The following SCEL variants were observed in gnomAD, a reference collection of about 807,000 sequenced individuals.
SCEL encodes the protein sciellin.
In SCEL, 113 loss-of-function variants were observed where a neutral mutation model predicts 117.6. That is an observed-to-expected ratio of 0.96 (90% CI 0.83 to 1.12). The LOEUF (loss-of-function observed/expected upper bound fraction) is 1.12, where lower values mean the gene tolerates loss of function less well. Ranked by LOEUF, SCEL falls within the 50% of genes most tolerant of loss-of-function variation. The probability of loss-of-function intolerance (pLI) is 0.00; values close to 1 mark genes in which losing one functional copy is unlikely to be tolerated. For synonymous variants in SCEL, 270 were observed against 256.2 expected (o/e 1.05, Z -0.51); for missense variants, 785 against 810.8 (o/e 0.97, Z 0.39).
At chr13:77,602,923 T>G (rs1425551152) in intron 17 of SCEL, 153 bp from the exon 18 acceptor site, 2 of 627,126 alleles carry the variant, frequency 3.2e-6, no homozygotes, top group Non-Finnish European at 5.3e-6. Context: ...TTAAACTATG[T>G]TATTGATTGG....
chr13:77,636,363 A>C (rs2090278306), intron 29 of SCEL, among the ~76,000 whole-genome samples: 1 of 152,214 alleles, frequency 6.6e-6, no homozygotes, highest in Non-Finnish European at 1.5e-5. Context: ...TTCTGACAGC[A>C]GTCTGCCTCC....
chr13:77,539,496 G>T (rs1358258282), intron 1 of SCEL, among the ~76,000 whole-genome samples: 1 of 151,800 alleles, frequency 6.6e-6, no homozygotes, highest in Non-Finnish European at 1.5e-5. Flanking sequence ...TGCAATTTTA[G>T]TCAAAAGTTC....
chr13:77,538,317 A>C (rs1191817720), intron 1 of SCEL, among the ~76,000 whole-genome samples: 2 of 152,022 alleles, frequency 1.3e-5, no homozygotes, highest in African/African-American at 2.4e-5. Flanking sequence ...GGGTTTCACC[A>C]TGTTGGCCAG....
chr13:77,538,899 A>T (rs987003119), intron 1 of SCEL, among the ~76,000 whole-genome samples: 1 of 152,190 alleles, frequency 6.6e-6, no homozygotes. Flanking sequence ...ATCCCAGGAG[A>T]CTGTGTCAAT....
rs544229058 is a variant in SCEL at position 77,537,016 on chromosome 13, C to T, written c.-20+1192C>T. Among the ~76,000 whole-genome samples the T allele has an allele frequency of 6.6e-5, 10 of 152,248 alleles. No homozygotes were observed. In the East Asian group the frequency reaches 1.3e-3, roughly 21 times the overall value. ...TGTCTTTCACTTCCATAGTTTATAACGTAGATAAAGCCTTCCTAATATATG... is the reference window on the plus strand; with the variant it reads ...TGTCTTTCACTTCCATAGTTTATAATGTAGATAAAGCCTTCCTAATATATG... On this transcript the variant is annotated intron_variant, in intron 1 of 32. Transcript: ENST00000349847.
At chr13:77,592,948 A>G (rs1329256245) in intron 11 of SCEL, among the ~76,000 whole-genome samples, 3 of 152,132 alleles carry the variant, frequency 2.0e-5, no homozygotes, top group East Asian at 3.8e-4. Flanking sequence ...TTTGGAATAC[A>G]TGAGCCCTCT....
At chr13:77,617,121 C>A (rs1304631944) in intron 24 of SCEL, among the ~76,000 whole-genome samples, 5 of 152,048 alleles carry the variant, frequency 3.3e-5, no homozygotes, top group Admixed American at 3.3e-4. Context: ...GAGTTTAATT[C>A]AGTTTTTCAG....
intron 28 of SCEL, among the ~76,000 whole-genome samples, chr13:77,633,369 G>GA (rs1196819765): frequency 7.0e-6 from 1 of 143,678 alleles, no homozygotes; most frequent in Non-Finnish European, 1.5e-5. Flanking sequence ...CCGGGAAGCG[G>GA]AGCTTGCAGT....
chr13:77,631,418 C>A (rs1477659427), intron 28 of SCEL, among the ~76,000 whole-genome samples: 1 of 152,130 alleles, frequency 6.6e-6, no homozygotes, highest in Admixed American at 6.5e-5. Flanking sequence ...GATATGATAT[C>A]CTGGATTGGA....
chr13:77,642,674 T>A lies in SCEL; in HGVS notation c.1948-32T>A, dbSNP rs199608943. The stretch of plus-strand genomic sequence containing the variant: ...CTAATAATCTAGATTTCATTTACAA[T>A]GGAAACTTTATATATGTATTTTTTT... On this transcript the variant is annotated intron_variant, in intron 31 of 32. Transcript: ENST00000349847. 6.6e-4 allele frequency: 853 copies of A among 1,284,380 alleles called. 4 individuals carry two copies. Among genetic ancestry groups the A allele is most frequent in the Middle Eastern group, 1.2e-3 (6 of 4,816 alleles). 79.6% of individuals were successfully genotyped at this position (1,284,380 alleles called of 1,614,324 possible). A position where few individuals can be genotyped will look rare whatever the true frequency, so the allele number is the denominator to read the frequency against.
chr13:77,589,997 C>T (rs1287612623), intron 10 of SCEL, among the ~76,000 whole-genome samples: 1 of 152,114 alleles, frequency 6.6e-6, no homozygotes, highest in Non-Finnish European at 1.5e-5. Context: ...AGTAACTCAA[C>T]GGAGATTGAC....
chr13:77,549,471 T>C lies in SCEL; in HGVS notation c.-19-6386T>C, dbSNP rs113632367. ...ATCACATTCTCTTATTGTCACATAATCTGCTATACCCCATTGTTAGTTCAC... is the reference window on the plus strand; with the variant it reads ...ATCACATTCTCTTATTGTCACATAACCTGCTATACCCCATTGTTAGTTCAC... On this transcript the variant is annotated intron_variant, in intron 1 of 32. Coordinates refer to ENST00000349847, the MANE Select transcript of SCEL (RefSeq NM_144777.3). Among the ~76,000 whole-genome samples, 309 of 152,368 alleles carry C rather than the reference T, an allele frequency of 2.0e-3. 1 individual carries two copies. Among genetic ancestry groups the C allele is most frequent in the African/African-American group, 7.0e-3 (293 of 41,588 alleles).
At chr13:77,606,554 A>C (rs942336389) in intron 19 of SCEL, 1 of 152,176 alleles carries the variant, frequency 6.6e-6, no homozygotes, top group Non-Finnish European at 1.5e-5. Context: ...ACTGGCCTTC[A>C]AATCCCACAT....
chr13:77,589,110 A>T, intron 9 of SCEL, 34 bp from the exon 10 acceptor site: 2 of 1,484,030 alleles, frequency 1.3e-6, no homozygotes, highest in Non-Finnish European at 1.9e-6. Context: ...CCATGTTTCC[A>T]TGGTGAAATG....
chr13:77,540,547 A>T (rs2083650161), intron 1 of SCEL, among the ~76,000 whole-genome samples: 1 of 152,304 alleles, frequency 6.6e-6, no homozygotes, highest in South Asian at 2.1e-4. Context: ...TGTGATCTGG[A>T]AGGTGAATGG....
chr13:77,555,722 TATGTC>T, intron 1 of SCEL, 130 bp from the exon 2 acceptor site: 1 of 594,998 alleles, frequency 1.7e-6, no homozygotes, highest in Admixed American at 2.8e-5. Context: ...AGGGGCACTT[TATGTC>T]ATGCATTTGT....
intron 5 of SCEL, among the ~76,000 whole-genome samples, chr13:77,564,638 A>G (rs1205038984): frequency 2.0e-5 from 3 of 152,224 alleles, no homozygotes; most frequent in African/African-American, 7.2e-5. Flanking sequence ...AATAGGCACC[A>G]TAAGTACCCA....
chr13:77,635,168 G>A (rs147564847), intron 29 of SCEL, among the ~76,000 whole-genome samples: 37 of 152,254 alleles, frequency 2.4e-4, no homozygotes, highest in African/African-American at 7.5e-4. Context: ...ATACATGTCA[G>A]GAGGTAAGCG....
intron 4 of SCEL, among the ~76,000 whole-genome samples, chr13:77,562,985 T>C (rs2085068658): frequency 6.6e-6 from 1 of 152,196 alleles, no homozygotes; most frequent in Non-Finnish European, 1.5e-5. Flanking sequence ...GCTTGCTTGC[T>C]TTATATCATA....
Sources: gnomAD v4.1 joint callset for allele counts (sites outside exome capture counted in the v4.1 genomes callset) on GRCh38, gnomAD v4.1.1 for gene constraint, MANE v1.5 for transcripts, NCBI Gene and HGNC (gene_info 2026-07-23, HGNC 2026-07-21) for gene names.